COL1A2: variants seen among roughly 807,000 people sequenced by gnomAD.
COL1A2 encodes the protein collagen type I alpha 2 chain, also known as collagen alpha-2(I) chain.
A neutral mutation model predicts 174.3 loss-of-function variants in COL1A2; 49 were observed. That is an observed-to-expected ratio of 0.28 (90% CI 0.22 to 0.36). The LOEUF is 0.36. Among genes scored for constraint, COL1A2 ranks in the 10% least tolerant of loss-of-function variants. The probability of loss-of-function intolerance (pLI) is 1.00; values close to 1 mark genes in which losing one functional copy is unlikely to be tolerated. For missense variants in COL1A2, 1,438 were observed against 1,822.7 expected (o/e 0.79, Z 3.84); for synonymous variants, 655 against 606.6 (o/e 1.08, Z -1.17).
intron 6 of COL1A2, among the ~76,000 whole-genome samples, chr7:94,402,523 G>C (rs1461241985): frequency 2.0e-5 from 3 of 151,984 alleles, no homozygotes; most frequent in Non-Finnish European, 4.4e-5. Context: ...TGATGATGAT[G>C]ATGATGATGA....
chr7:94,424,798 T>C (rs1342315809), intron 41 of COL1A2: 3 of 468,088 alleles, frequency 6.4e-6, no homozygotes, highest in Non-Finnish European at 1.2e-5. Context: ...TTAAACCTTA[T>C]ACGTGACAAC....
Position 94,394,923 on chromosome 7 carries a change from A to T in COL1A2, c.-109A>T. The T allele has an allele frequency of 1.2e-6, 1 of 853,504 alleles. No individual in the cohort carries two copies. Among genetic ancestry groups the T allele is most frequent in the South Asian group, 1.3e-5 (1 of 75,198 alleles). The allele number at this position is 853,504 out of a possible 1,614,324, so 52.9% of individuals were successfully genotyped here. On this transcript the variant is annotated 5_prime_UTR_variant, in exon 1 of 52. Transcript: ENST00000297268. The stretch of plus-strand genomic sequence containing the variant: ...ACCACGGCAGCAGGAGGTTTCGGCT[A>T]AGTTGGAGGTACTGGCCACGACTGC...
rs780588362 is a variant in COL1A2 at position 94,420,995 on chromosome 7, T to C, written c.2296-14T>C. ...TTGTTTGTGATTTGACTCCATCTTTTTGTTTGCATTTAGGGTCCAAATGGT... is the reference window on the plus strand; with the variant it reads ...TTGTTTGTGATTTGACTCCATCTTTCTGTTTGCATTTAGGGTCCAAATGGT... On this transcript the variant is annotated splice_polypyrimidine_tract_variant and intron_variant, in intron 37 of 51. Transcript: ENST00000297268. The C allele has an allele frequency of 3.1e-6, 5 of 1,613,976 alleles. No homozygotes were observed. The highest frequency in any genetic ancestry group is 4.2e-6 in the Non-Finnish European group (5 of 1,179,888).
chr7:94,398,906 T>C (rs938199287), intron 3 of COL1A2, 143 bp from the exon 4 acceptor site: 3 of 785,506 alleles, frequency 3.8e-6, no homozygotes, highest in Non-Finnish European at 6.6e-6. Context: ...ATCTATTGCA[T>C]TGTGTCAATT....
At chr7:94,412,036 C>T (rs765881856) in intron 23 of COL1A2, 32 bp from the exon 24 acceptor site, 2 of 1,580,028 alleles carry the variant, frequency 1.3e-6, no homozygotes, top group Admixed American at 1.7e-5. Flanking sequence ...AGTTAAAGTG[C>T]CAATATAAAA....
In COL1A2 at chr7:94,412,694, C is replaced by G; in HGVS notation, c.1503+12C>G. On this transcript the variant is annotated intron_variant, in intron 25 of 51. Coordinates refer to ENST00000297268, the MANE Select transcript of COL1A2 (RefSeq NM_000089.4). ...CCAAAGGCCCCACTGTAAGAATCACCACAACTTTCTTACCCTCAGCACTTT... is the reference window on the plus strand; with the variant it reads ...CCAAAGGCCCCACTGTAAGAATCACGACAACTTTCTTACCCTCAGCACTTT... 2.5e-6 allele frequency: 4 copies of G among 1,609,450 alleles called. No homozygotes were observed. Among genetic ancestry groups the G allele is most frequent in the Non-Finnish European group, 2.6e-6 (3 of 1,175,814 alleles).
At chr7:94,413,860 T>C in intron 27 of COL1A2, 34 bp from the exon 28 acceptor site, 1 of 1,613,214 alleles carries the variant, frequency 6.2e-7, no homozygotes, top group Non-Finnish European at 8.5e-7. Context: ...GTGACATACG[T>C]TGCTATTTAT....
rs781665129 is a variant in COL1A2 at position 94,408,752 on chromosome 7, C to T, written c.739-18C>T. 2.5e-6 allele frequency: 4 copies of T among 1,613,662 alleles called. No individual in the cohort carries two copies. Among genetic ancestry groups the T allele is most frequent in the Non-Finnish European group, 1.7e-6 (2 of 1,179,794 alleles). ...TTACTTGGAGGAAATTTCTTACCAC[C>T]TTCTGCTTTGATTTCAGGGTCCCAT... On this transcript the variant is annotated intron_variant, in intron 15 of 51. Coordinates refer to ENST00000297268, the MANE Select transcript of COL1A2 (RefSeq NM_000089.4).
intron 41 of COL1A2, 88 bp from the exon 42 acceptor site, chr7:94,425,029 G>C: frequency 8.9e-7 from 1 of 1,129,684 alleles, no homozygotes; most frequent in South Asian, 1.3e-5. Flanking sequence ...CTTCAAACTA[G>C]AATCTCCTGA....
At chr7:94,398,796 G>A (rs920881370) in intron 3 of COL1A2, among the ~76,000 whole-genome samples, 1 of 151,936 alleles carries the variant, frequency 6.6e-6, no homozygotes, top group Non-Finnish European at 1.5e-5. Flanking sequence ...TATTCAAAAT[G>A]CTATGCATAG....
rs1017004625 is a variant in COL1A2 at position 94,425,789 on chromosome 7, G to A, written c.2875G>A (p.Ala959Thr). ...CCCTGGCAATATTGGTCCCGTTGGTGCTGCAGGTGCACCTGGTCCTCATGG... is the reference window on the plus strand; with the variant it reads ...CCCTGGCAATATTGGTCCCGTTGGTACTGCAGGTGCACCTGGTCCTCATGG... ...GYPGNIGPVG[A>T]AGAPGPHGPV... The change falls in exon 44 of 52, where the codon GCT becomes ACT. Residue 959 changes from alanine (A) to threonine (T), a missense_variant. This residue lies in a region of COL1A2 where 867 missense variants were observed against 1,213.7 expected (regional missense o/e 0.71). Coordinates refer to ENST00000297268, the MANE Select transcript of COL1A2 (RefSeq NM_000089.4). 2.5e-6 allele frequency: 4 copies of A among 1,613,146 alleles called. No individual in the cohort carries two copies. Among genetic ancestry groups the A allele is most frequent in the South Asian group, 1.1e-5 (1 of 90,866 alleles).
At chr7:94,400,991 C>T (rs908496895) in intron 5 of COL1A2, among the ~76,000 whole-genome samples, 1 of 152,176 alleles carries the variant, frequency 6.6e-6, no homozygotes, top group Non-Finnish European at 1.5e-5. Context: ...AGAGCTACCA[C>T]TATAAGAGAG....
intron 45 of COL1A2, 134 bp from the exon 46 acceptor site, chr7:94,426,289 G>T: frequency 1.1e-6 from 1 of 898,806 alleles, no homozygotes; most frequent in Non-Finnish European, 1.8e-6. Flanking sequence ...CAGATTACCA[G>T]CAGAGGTGAG....
intron 51 of COL1A2, 178 bp from the exon 52 acceptor site, chr7:94,430,068 GC>G: frequency 1.6e-6 from 1 of 645,030 alleles, no homozygotes; most frequent in Non-Finnish European, 2.7e-6. Flanking sequence ...CTGATAGGGA[GC>G]CCCTCCCACT....
chr7:94,425,220 G>A lies in COL1A2; in HGVS notation c.2777G>A (p.Arg926His), dbSNP rs200331961. The A allele has an allele frequency of 2.6e-5, 42 of 1,613,544 alleles. No homozygotes were observed. Among genetic ancestry groups the A allele is most frequent in the South Asian group, 2.4e-4 (22 of 91,078 alleles). The change falls in exon 42 of 52, where the codon CGT (arginine) becomes CAT (histidine). Residue 926 changes from arginine (R) to histidine (H), a missense_variant. Physicochemically the swap from Arg to His is conservative, Grantham distance 29. Transcript: ENST00000297268. ...AACGGTGCTCCTGGTGAAGCTGGTC[G>A]TGATGTGAGTCCAACACTTGGTTTG... ...GVNGAPGEAGRDGNPGNDGPP... is the reference protein window; with the variant it reads ...GVNGAPGEAGHDGNPGNDGPP...
At chr7:94,415,028 C>A (rs1026791774) in intron 29 of COL1A2, among the ~76,000 whole-genome samples, 198 bp from the exon 30 acceptor site, 1 of 152,156 alleles carries the variant, frequency 6.6e-6, no homozygotes, top group African/African-American at 2.4e-5. Context: ...GGGATGGATA[C>A]ATTTTTGTCA....
In COL1A2 at chr7:94,421,074, C is replaced by T; in HGVS notation, c.2349+12C>T. On this transcript the variant is annotated intron_variant, in intron 38 of 51. Transcript: ENST00000297268. ...ATGGAGGCCCCCCTGTGAGTATTTA[C>T]AATGGACTCTCGCCGCTTTTCTTTT... 6.2e-7 allele frequency: 1 copy of T among 1,613,856 alleles called. No individual in the cohort carries two copies. Among genetic ancestry groups the T allele is most frequent in the African/African-American group, 1.3e-5 (1 of 75,042 alleles).
At chr7:94,424,998 C>T in intron 41 of COL1A2, 119 bp from the exon 42 acceptor site, 1 of 829,040 alleles carries the variant, frequency 1.2e-6, no homozygotes. Flanking sequence ...GTGACCCATT[C>T]ACATTCAATT....
At chr7:94,424,855 T>G in intron 41 of COL1A2, 1 of 522,078 alleles carries the variant, frequency 1.9e-6, no homozygotes, top group East Asian at 3.5e-5. Context: ...CTTTTTGAAT[T>G]CATTTCATTT....
Sources: allele counts gnomAD v4.1 joint callset (sites outside exome capture counted in the v4.1 genomes callset), GRCh38; gene constraint gnomAD v4.1.1; regional missense constraint gnomAD v4.1.1; transcripts MANE v1.5; gene names NCBI Gene and HGNC (gene_info 2026-07-23, HGNC 2026-07-21).